Variants in SAMD12 observed in about 807,000 individuals in gnomAD.
The protein encoded by SAMD12 is sterile alpha motif domain containing 12.
Under a neutral mutation model 15.0 loss-of-function variants are expected in SAMD12, and 9 were observed. That is an observed-to-expected ratio of 0.60 (90% confidence interval 0.36 to 1.05). The LOEUF is 1.05. Among genes scored for constraint, SAMD12 ranks in the 50% least tolerant of loss-of-function variants. The probability of loss-of-function intolerance (pLI) is 0.01; values close to 1 mark genes in which losing one functional copy is unlikely to be tolerated. For missense variants in SAMD12, 230 were observed against 234.2 expected, an observed-to-expected ratio of 0.98 and a Z score of 0.12; for synonymous variants, 86 against 90.1, an observed-to-expected ratio of 0.96 and a Z score of 0.25.
intron 4 of SAMD12, among the ~76,000 whole-genome samples, chr8:118,350,044 C>T (rs2130590895): frequency 6.6e-6 from 1 of 152,266 alleles, no homozygotes; most frequent in African/African-American, 2.4e-5. Flanking sequence ...AGGAGGATCG[C>T]TTGAGCCCAG....
intron 2 of SAMD12, among the ~76,000 whole-genome samples, chr8:118,469,545 T>TAATATATATAATATA (rs376346512): frequency 4.5e-4 from 1 of 2,204 alleles, no homozygotes; most frequent in African/African-American, 7.2e-4. Flanking sequence ...ATATATTATA[T>TAATATATATAATATA]TATTATATAT....
chr8:118,516,169 T>A (rs1486162985), intron 2 of SAMD12, among the ~76,000 whole-genome samples: 1 of 152,238 alleles, frequency 6.6e-6, no homozygotes, highest in Admixed American at 6.5e-5. Flanking sequence ...TCCTGTTGGA[T>A]CTTTTATTTT....
chr8:118,145,784 T>A, the SAMD12 span, among the ~76,000 whole-genome samples: 5 of 152,222 alleles, frequency 3.3e-5, no homozygotes, highest in Admixed American at 2.6e-4. Flanking sequence ...AAGTCTTAGC[T>A]GACCCAAAGA....
At chr8:118,355,935 T>G (rs1818206277) in intron 4 of SAMD12, among the ~76,000 whole-genome samples, 1 of 152,186 alleles carries the variant, frequency 6.6e-6, no homozygotes, top group South Asian at 2.1e-4. Context: ...CCCTAAATGA[T>G]CCCCTCTCTT....
intron 4 of SAMD12, among the ~76,000 whole-genome samples, chr8:118,233,808 C>G (rs748690819): frequency 1.3e-5 from 2 of 152,174 alleles, no homozygotes; most frequent in Non-Finnish European, 2.9e-5. Flanking sequence ...TCTGGTAAAA[C>G]AGCTGGGTTA....
chr8:118,559,205 A>T (rs1826638760), intron 2 of SAMD12, among the ~76,000 whole-genome samples: 1 of 152,086 alleles, frequency 6.6e-6, no homozygotes, highest in African/African-American at 2.4e-5. Flanking sequence ...TTCCAGGAAG[A>T]CCCTTTTTTC....
chr8:118,285,932 T>A (rs1413159447), intron 4 of SAMD12, among the ~76,000 whole-genome samples: 1 of 151,822 alleles, frequency 6.6e-6, no homozygotes, highest in Non-Finnish European at 1.5e-5. Flanking sequence ...GGAGAAGGGG[T>A]GAACATATAT....
chr8:118,539,721 A>G (rs1825939177), intron 2 of SAMD12, among the ~76,000 whole-genome samples: 1 of 152,194 alleles, frequency 6.6e-6, no homozygotes, highest in South Asian at 2.1e-4. Context: ...TGAGGAAGTC[A>G]AGTCAGCCTC....
exon 5 of SAMD12, chr8:118,192,956 T>C (rs1051340622): frequency 6.6e-6 from 1 of 152,226 alleles, no homozygotes; most frequent in African/African-American, 2.4e-5. Flanking sequence ...TTCAGTTTTA[T>C]GATATCTTTG....
intron 2 of SAMD12, among the ~76,000 whole-genome samples, chr8:118,460,995 TTACCTG>T (rs1823403342): frequency 1.3e-5 from 2 of 152,208 alleles, no homozygotes; most frequent in African/African-American, 4.8e-5. Flanking sequence ...ACATAATGGT[TTACCTG>T]GTTAGGATGT....
At chr8:118,581,013 GTGTGAT>G (rs1370151498) in intron 1 of SAMD12, 120 bp from the exon 2 acceptor site, 2 of 662,362 alleles carry the variant, frequency 3.0e-6, no homozygotes, top group Admixed American at 6.0e-5. Flanking sequence ...TCGAGAGGTG[GTGTGAT>G]TACTACGATA....
intron 2 of SAMD12, among the ~76,000 whole-genome samples, chr8:118,522,106 GC>G (rs1159970693): frequency 6.6e-6 from 1 of 151,464 alleles, no homozygotes; most frequent in African/African-American, 2.4e-5. Context: ...ACTTTGCATT[GC>G]TTATAGTGTC....
the SAMD12 span, among the ~76,000 whole-genome samples, chr8:118,138,998 C>A: frequency 1.3e-5 from 2 of 152,146 alleles, no homozygotes; most frequent in African/African-American, 2.4e-5. Context: ...TAAATTGTAT[C>A]GAACTTAACA....
chr8:118,470,443 G>A (rs1004184689), intron 2 of SAMD12, among the ~76,000 whole-genome samples: 3 of 152,142 alleles, frequency 2.0e-5, no homozygotes, highest in African/African-American at 4.8e-5. Context: ...AGTGGAAAGA[G>A]CAGACCTGCA....
chr8:118,594,089 C>T (rs1407297497), intron 1 of SAMD12, among the ~76,000 whole-genome samples: 1 of 152,142 alleles, frequency 6.6e-6, no homozygotes, highest in Non-Finnish European at 1.5e-5. Context: ...CCCAGATTAT[C>T]TCTGAGGGAG....
intron 1 of SAMD12, among the ~76,000 whole-genome samples, chr8:118,594,646 G>GA (rs1478859184): frequency 3.3e-5 from 5 of 151,998 alleles, no homozygotes; most frequent in Non-Finnish European, 7.4e-5. Context: ...AAGACTACGA[G>GA]AAAAAAATGA....
At chr8:118,147,157 TG>T in the SAMD12 span, among the ~76,000 whole-genome samples, 1 of 152,024 alleles carries the variant, frequency 6.6e-6, no homozygotes, top group Non-Finnish European at 1.5e-5. Context: ...CCTGAGTAGC[TG>T]GGATTACAGG....
intron 2 of SAMD12, among the ~76,000 whole-genome samples, chr8:118,546,038 A>G (rs1375075808): frequency 6.6e-6 from 1 of 152,236 alleles, no homozygotes; most frequent in Non-Finnish European, 1.5e-5. Flanking sequence ...GAGCACATGT[A>G]AAACATTTAG....
At chr8:118,570,729 A>G (rs894164778) in intron 2 of SAMD12, among the ~76,000 whole-genome samples, 2 of 152,114 alleles carry the variant, frequency 1.3e-5, no homozygotes, top group Non-Finnish European at 2.9e-5. Context: ...CCCAGTTATG[A>G]GATTCCCGGG....
Sources: allele counts gnomAD v4.1 joint callset (sites outside exome capture counted in the v4.1 genomes callset), GRCh38; gene constraint gnomAD v4.1.1; transcripts MANE v1.5; gene names NCBI Gene and HGNC (gene_info 2026-07-23, HGNC 2026-07-21).